Variants in PHKA2 observed in about 807,000 individuals in gnomAD.
The protein encoded by PHKA2 is phosphorylase b kinase regulatory subunit alpha, liver isoform.
A neutral mutation model predicts 102.0 loss-of-function variants in PHKA2; 31 were observed. The observed-to-expected ratio is 0.30, with a 90% CI of 0.23 to 0.41. The LOEUF (loss-of-function observed/expected upper bound fraction) is 0.41, where lower values mean the gene tolerates loss of function less well. Among genes scored for constraint, PHKA2 ranks in the 10% least tolerant of loss-of-function variants. The probability of loss-of-function intolerance (pLI) is 1.00; values close to 1 mark genes in which losing one functional copy is unlikely to be tolerated. For missense variants in PHKA2, 858 were observed against 1,023.1 expected (o/e 0.84, Z 2.20); for synonymous variants, 455 against 416.2 (o/e 1.09, Z -1.13).
At chrX:18,948,609 G>A (rs891970369) in intron 5 of PHKA2, 135 bp downstream of exon 5, 1 of 511,994 alleles carries the variant, frequency 2.0e-6, no homozygotes, top group Admixed American at 2.4e-5. Flanking sequence ...GTGTGTGGAG[G>A]TGACACAATC....
rs373356897 is a variant in PHKA2, at chrX:18,899,139, G to A, written c.3111+34C>T. Reference sequence around the variant, plus strand: ...CATGAGGAAGGACGCGAGGAGGAGCGGGGACGGACACAATAATCCCGAGGC... The same window carrying A: ...CATGAGGAAGGACGCGAGGAGGAGCAGGGACGGACACAATAATCCCGAGGC... On this transcript the variant is annotated intron_variant, in intron 29 of 32. Coordinates refer to ENST00000379942, the MANE Select transcript of PHKA2 (RefSeq NM_000292.3). The A allele has an allele frequency of 3.5e-5, 41 of 1,160,259 alleles. No homozygotes were observed. The Middle Eastern group carries it at 7.1e-4, about 20-fold the overall frequency.
intron 15 of PHKA2, among the ~76,000 whole-genome samples, chrX:18,925,101 T>C (rs944840011): frequency 1.8e-5 from 2 of 112,504 alleles, no homozygotes; most frequent in African/African-American, 6.5e-5. Context: ...AACAGCAGCT[T>C]GACCCAAGAC....
intron 25 of PHKA2, 83 bp downstream of exon 25, chrX:18,906,412 A>T: frequency 9.0e-7 from 1 of 1,113,942 alleles, no homozygotes; most frequent in Non-Finnish European, 1.2e-6. Flanking sequence ...TAACCTAAGC[A>T]GTTCTTCCCC....
rs761875533 is a variant in PHKA2, at chrX:18,906,781, G to A, written c.2631C>T (p.Ile877=). The change falls in exon 24 of 33, where the codon ATC becomes ATT. Residue 877 remains isoleucine (I), a synonymous_variant. Transcript: ENST00000379942. The part of the protein sequence containing the change: ...PLPPEELTKL[I]YEASGQDISI... ...TGATGTCCTGCCCACTGGCCTCGTA[G>A]ATGAGTTTTGTGAGCTCCTCTGGGG... The A allele has an allele frequency of 8.3e-7, 1 of 1,209,788 alleles. No homozygotes were observed. The highest frequency in any genetic ancestry group is 1.7e-5 in the African/African-American group (1 of 57,384).
chrX:18,972,210 TA>T (rs1175455715), intron 1 of PHKA2, among the ~76,000 whole-genome samples: 5 of 112,644 alleles, frequency 4.4e-5, no homozygotes, highest in African/African-American at 9.7e-5. Flanking sequence ...TAACATTTTT[TA>T]TTGAATAATC....
intron 30 of PHKA2, chrX:18,896,215 G>T (rs935027767): frequency 1.8e-5 from 2 of 112,494 alleles, no homozygotes; most frequent in African/African-American, 6.5e-5. Flanking sequence ...TTTAAGCGAG[G>T]CACACTGTCC....
chrX:18,937,620 G>A (rs1017106569), intron 10 of PHKA2, among the ~76,000 whole-genome samples: 4 of 111,808 alleles, frequency 3.6e-5, no homozygotes, highest in Non-Finnish European at 5.6e-5. Flanking sequence ...TGAGAAGAGA[G>A]GAGGGCACAT....
At chrX:18,914,029 T>G (rs1176348795) in intron 19 of PHKA2, among the ~76,000 whole-genome samples, 1 of 112,759 alleles carries the variant, frequency 8.9e-6, no homozygotes, top group Non-Finnish European at 1.9e-5. Flanking sequence ...ACCAGCAACA[T>G]ACTTATGTAT....
At chrX:18,955,302 A>T in intron 1 of PHKA2, among the ~76,000 whole-genome samples, 1 of 110,770 alleles carries the variant, frequency 9.0e-6, no homozygotes, top group Non-Finnish European at 1.9e-5. Flanking sequence ...AACGCTATAG[A>T]GACATAAAGT....
intron 14 of PHKA2, 64 bp from the exon 15 acceptor site, chrX:18,925,841 A>G (rs1569309998): frequency 1.3e-6 from 1 of 761,281 alleles, no homozygotes; most frequent in Non-Finnish European, 2.0e-6. Context: ...AATCCAGGCA[A>G]CTCAGGCTAA....
intron 1 of PHKA2, among the ~76,000 whole-genome samples, chrX:18,961,426 G>A (rs966505507): frequency 1.8e-5 from 2 of 110,697 alleles, no homozygotes; most frequent in African/African-American, 3.3e-5. Flanking sequence ...TTGGGAGGCC[G>A]AGGCGGGTGG....
intron 21 of PHKA2, 61 bp from the exon 22 acceptor site, chrX:18,908,117 G>A: frequency 1.9e-6 from 2 of 1,080,989 alleles, no homozygotes; most frequent in South Asian, 3.7e-5. Context: ...GGAGAGGAAT[G>A]GATCACTGTG....
intron 30 of PHKA2, chrX:18,895,595 T>G: frequency 5.0e-6 from 1 of 199,917 alleles, no homozygotes; most frequent in Non-Finnish European, 9.3e-6. Context: ...ATTTTTGAGA[T>G]TTCTATAATA....
rs185203951 is a variant in PHKA2, at chrX:18,978,722, T to A, written c.78+5133A>T. Reference sequence around the variant, plus strand: ...AGCGAGACTCTGTCTCAAAAAAAAATTAAAATAAAAATAAAGTTATATATG... The same window carrying A: ...AGCGAGACTCTGTCTCAAAAAAAAAATAAAATAAAAATAAAGTTATATATG... On this transcript the variant is annotated intron_variant, in intron 1 of 32. Transcript: ENST00000379942. 7.7e-3 allele frequency among the ~76,000 whole-genome samples: 846 copies of A among 109,256 alleles called. 12 individuals are homozygous for A. The highest frequency in any genetic ancestry group is 0.027 in the African/African-American group (796 of 30,002). 94.9% of individuals were successfully genotyped at this position (109,256 alleles called of 115,157 possible).
chrX:18,931,814 G>A, intron 11 of PHKA2, 66 bp from the exon 12 acceptor site: 1 of 729,092 alleles, frequency 1.4e-6, no homozygotes, highest in East Asian at 3.2e-5. Context: ...ACCTGACCAT[G>A]GGGAATGCAC....
At chrX:18,934,402 G>A (rs1355554293) in intron 11 of PHKA2, among the ~76,000 whole-genome samples, 2 of 111,859 alleles carry the variant, frequency 1.8e-5, no homozygotes, top group Non-Finnish European at 3.8e-5. Flanking sequence ...GTCGGTTCAT[G>A]TTGGGATGAG....
At position 18,925,819 on chromosome X, in the gene PHKA2, C is replaced by T. The variant is rs188554878; in HGVS notation, c.1460-42G>A. ...AGATAAATTGGAGTTAGAGGAAATACGGTTAACAAGTAATCCAGGCAACTC... is the reference window on the plus strand; with the variant it reads ...AGATAAATTGGAGTTAGAGGAAATATGGTTAACAAGTAATCCAGGCAACTC... On this transcript the variant is annotated intron_variant, in intron 14 of 32. Coordinates refer to ENST00000379942, the MANE Select transcript of PHKA2 (RefSeq NM_000292.3). 1.5e-4 allele frequency: 137 copies of T among 908,368 alleles called. No individual in the cohort carries two copies. In the African/African-American group the frequency reaches 2.0e-3, roughly 13 times the overall value. The allele number at this position is 908,368 out of a possible 1,213,427, so 74.9% of individuals were successfully genotyped here.
At position 18,918,847 on chromosome X, in the gene PHKA2, T is replaced by C. The variant is rs2048064959; in HGVS notation, c.1971A>G (p.Gln657=). Residue 657 remains glutamine (Q), a synonymous_variant, in exon 19 of 33, where the codon CAA becomes CAG. Coordinates refer to ENST00000379942, the MANE Select transcript of PHKA2 (RefSeq NM_000292.3). ...GGTTGATATAATGGTCAAGTTCGTC[T>C]TGGCTTTCTGTAATTGGACAAGCAA... ...YLEDTCNQES[Q]DELDHYINHL... is the part of the protein sequence containing the mutation. 3 of 1,210,792 alleles carry C rather than the reference T, an allele frequency of 2.5e-6. No individual in the cohort carries two copies. In the African/African-American group the frequency reaches 5.2e-5, roughly 21 times the overall value.
Position 18,976,468 on chromosome X carries a change from T to A in PHKA2, c.78+7387A>T, listed in dbSNP as rs149438303. ...GGAAAACAGCCCACTCTTAATATAG[T>A]AGTCCTTCCTTATCCGTTTTTGCTT... On this transcript the variant is annotated intron_variant, in intron 1 of 32. Coordinates refer to ENST00000379942, the MANE Select transcript of PHKA2 (RefSeq NM_000292.3). Among the ~76,000 whole-genome samples, 283 of 111,802 alleles carry A rather than the reference T, an allele frequency of 2.5e-3. 6 individuals carry two copies. In the East Asian group the frequency reaches 0.049, roughly 19 times the overall value.
Sources: gnomAD v4.1 joint callset for allele counts (sites outside exome capture counted in the v4.1 genomes callset) on GRCh38, gnomAD v4.1.1 for gene constraint, MANE v1.5 for transcripts, NCBI Gene and HGNC (gene_info 2026-07-23, HGNC 2026-07-21) for gene names.